Variants in TCF12 observed in about 807,000 individuals in gnomAD.
TCF12 encodes the protein transcription factor 12, also known as DNA-binding protein HTF4.
In TCF12, 45 loss-of-function variants were observed where a neutral mutation model predicts 86.0. That is an observed-to-expected ratio of 0.52 (90% CI 0.41 to 0.67). The LOEUF is 0.67. Ranked by LOEUF, TCF12 falls within the 30% of genes least tolerant of loss-of-function variation. The pLI, the probability that TCF12 is intolerant of heterozygous loss-of-function variation, is 0.00. For synonymous variants in TCF12, 330 were observed against 299.6 expected, an observed-to-expected ratio of 1.10 and a Z score of -1.05; for missense variants, 881 against 859.9, an observed-to-expected ratio of 1.02 and a Z score of -0.31.
At chr15:56,962,437 T>C (rs557136050) in intron 3 of TCF12, among the ~76,000 whole-genome samples, 16 of 152,302 alleles carry the variant, frequency 1.1e-4, no homozygotes, top group South Asian at 1.0e-3. Flanking sequence ...GAGTTACTGA[T>C]CTTCAATTCA....
In TCF12 at chr15:57,247,980, C is replaced by T. The variant is rs1204705499; in HGVS notation, c.1115-3370C>T. ...GTTCCTTTGAATCATGGCCCTTCTC[C>T]CCCACCACCCCACCCCCACAGTGGT... On this transcript the variant is annotated intron_variant, in intron 13 of 20. Coordinates refer to ENST00000333725, the MANE Select transcript of TCF12 (RefSeq NM_207037.2). The T allele has an allele frequency of 8.3e-6, 6 of 725,874 alleles. No individual in the cohort carries two copies. In the African/African-American group the frequency reaches 1.0e-4, roughly 13 times the overall value. The allele number at this position is 725,874 out of a possible 1,614,324, so 45.0% of individuals were successfully genotyped here. A position where few individuals can be genotyped will look rare whatever the true frequency, so the allele number is the denominator to read the frequency against.
At chr15:57,270,591 G>A (rs915854613) in intron 18 of TCF12, among the ~76,000 whole-genome samples, 3 of 152,148 alleles carry the variant, frequency 2.0e-5, no homozygotes, top group Non-Finnish European at 4.4e-5. Context: ...TCTCCATCCA[G>A]TTTTGTTCCC....
At chr15:57,191,323 G>A (rs1160059792) in intron 6 of TCF12, among the ~76,000 whole-genome samples, 2 of 152,154 alleles carry the variant, frequency 1.3e-5, no homozygotes, top group African/African-American at 4.8e-5. Context: ...AATTAGCTGG[G>A]TGTGGTGGCA....
chr15:56,992,545 A>T (rs1054372330), intron 3 of TCF12, among the ~76,000 whole-genome samples: 2 of 152,228 alleles, frequency 1.3e-5, no homozygotes, highest in South Asian at 4.1e-4. Context: ...AATCACCTGT[A>T]AATGGATCAC....
chr15:56,992,262 C>A (rs1033368482), intron 3 of TCF12, among the ~76,000 whole-genome samples: 2 of 152,110 alleles, frequency 1.3e-5, no homozygotes, highest in South Asian at 4.1e-4. Context: ...CAGAGTGAGA[C>A]CCTGTCTCAC....
intron 13 of TCF12, 177 bp from the exon 14 acceptor site, chr15:57,251,173 T>C (rs1489193686): frequency 4.3e-6 from 2 of 468,340 alleles, no homozygotes; most frequent in Middle Eastern, 5.6e-4. Flanking sequence ...TTTTTATTAA[T>C]AATGAAAGAT....
At position 57,253,567 on chromosome 15, in the gene TCF12, G is replaced by T. The variant is rs961496473; in HGVS notation, c.1467+99G>T. ...GGAAGAGGATCTTTCTGAAAGGAAG[G>T]CAAAGACTGACTTTTCAGAATTTTC... On this transcript the variant is annotated intron_variant, in intron 16 of 20. Coordinates refer to ENST00000333725, the MANE Select transcript of TCF12 (RefSeq NM_207037.2). 3.2e-5 allele frequency: 44 copies of T among 1,392,578 alleles called. No individual in the cohort carries two copies. The South Asian group carries it at 5.3e-4, about 17-fold the overall frequency. The allele number at this position is 1,392,578 out of a possible 1,614,324, so 86.3% of individuals were successfully genotyped here.
intron 3 of TCF12, among the ~76,000 whole-genome samples, chr15:56,939,591 A>G (rs1156615538): frequency 1.3e-5 from 2 of 152,218 alleles, no homozygotes; most frequent in Non-Finnish European, 2.9e-5. Context: ...ATAGTGCTTT[A>G]CACTTGTGTT....
chr15:57,188,614 A>G (rs2056812201), intron 6 of TCF12, among the ~76,000 whole-genome samples: 1 of 152,226 alleles, frequency 6.6e-6, no homozygotes, highest in Admixed American at 6.5e-5. Context: ...ATGGGATAGA[A>G]TTTGGAGTCC....
intron 3 of TCF12, among the ~76,000 whole-genome samples, chr15:57,018,864 G>A (rs774694105): frequency 1.5e-4 from 23 of 152,206 alleles, no homozygotes; most frequent in Non-Finnish European, 7.3e-5. Context: ...GGATGTTGAT[G>A]AGCCACGCTA....
chr15:57,271,632 A>G (rs2152092705), intron 18 of TCF12, among the ~76,000 whole-genome samples: 1 of 152,254 alleles, frequency 6.6e-6, no homozygotes, highest in East Asian at 1.9e-4. Context: ...TGAACCAGGT[A>G]CCTCAGTTGG....
chr15:57,170,643 A>AAATATATATATATAATATAT (rs2055262033), intron 6 of TCF12, among the ~76,000 whole-genome samples: 1 of 20,758 alleles, frequency 4.8e-5, no homozygotes, highest in African/African-American at 4.3e-4. Context: ...TATATATATA[A>AAATATATATATATAATATAT]TATATATATT....
intron 3 of TCF12, among the ~76,000 whole-genome samples, chr15:56,969,253 C>A (rs748069774): frequency 6.6e-6 from 1 of 152,138 alleles, no homozygotes; most frequent in African/African-American, 2.4e-5. Context: ...GTCCTGAGAT[C>A]TATTTTCGTT....
downstream of TCF12, chr15:57,290,978 A>T (rs1330548112): frequency 6.6e-6 from 1 of 152,198 alleles, no homozygotes; most frequent in Non-Finnish European, 1.5e-5. Flanking sequence ...TAAAAATTGC[A>T]GTTCCTTCTC....
chr15:57,232,763 C>G lies in TCF12; in HGVS notation c.877C>G (p.Pro293Ala). ...AACAGACATAAACACGAGTCTTCCA[C>G]CAATGTCCAGCTTTCATCGCGGCAG... Reference protein sequence around the residue: ...SPTDINTSLPPMSSFHRGSTS... With the variant: ...SPTDINTSLPAMSSFHRGSTS... The change falls in exon 11 of 21, where the codon CCA becomes GCA. Residue 293 changes from proline (P) to alanine (A), a missense_variant. Pro to Ala is a conservative substitution (Grantham distance 27). Coordinates refer to ENST00000333725, the MANE Select transcript of TCF12 (RefSeq NM_207037.2). The G allele has an allele frequency of 6.2e-7, 1 of 1,612,356 alleles. No homozygotes were observed. Among genetic ancestry groups the G allele is most frequent in the Non-Finnish European group, 8.5e-7 (1 of 1,179,172 alleles).
intron 3 of TCF12, among the ~76,000 whole-genome samples, chr15:56,999,454 G>A (rs1280044890): frequency 6.6e-6 from 1 of 152,130 alleles, no homozygotes; most frequent in East Asian, 1.9e-4. Flanking sequence ...TTAAGGATAA[G>A]TGATACTAAA....
intron 5 of TCF12, among the ~76,000 whole-genome samples, chr15:57,159,391 A>G (rs1039189852): frequency 5.9e-5 from 9 of 152,200 alleles, no homozygotes; most frequent in African/African-American, 2.2e-4. Flanking sequence ...TGATATTTTA[A>G]TAGGATTTGC....
At chr15:57,098,009 C>CAAAAAAA (rs72046243) in intron 5 of TCF12, among the ~76,000 whole-genome samples, 26 of 48,412 alleles carry the variant, frequency 5.4e-4, no homozygotes, top group African/African-American at 7.5e-4. Flanking sequence ...TACAAAAATA[C>CAAAAAAA]AAAAAAAAAA....
intron 5 of TCF12, among the ~76,000 whole-genome samples, chr15:57,149,596 GAGGT>G (rs1206303984): frequency 2.6e-5 from 4 of 152,196 alleles, no homozygotes; most frequent in Non-Finnish European, 5.9e-5. Flanking sequence ...CATAAAAACA[GAGGT>G]AGTTTAACAA....
Sources: gnomAD v4.1 joint callset for allele counts (sites outside exome capture counted in the v4.1 genomes callset) on GRCh38, gnomAD v4.1.1 for gene constraint, MANE v1.5 for transcripts, NCBI Gene and HGNC (gene_info 2026-07-23, HGNC 2026-07-21) for gene names.